The following TBC1D4 variants were observed in gnomAD, a reference collection of about 807,000 sequenced individuals.
TBC1D4 encodes TBC1 domain family member 4.
Under a neutral mutation model 142.5 loss-of-function variants are expected in TBC1D4, and 121 were observed. The observed-to-expected ratio is 0.85, with a 90% CI of 0.73 to 0.99. The LOEUF is 0.99. TBC1D4 is among the 50% of genes least tolerant of loss of function. The probability of loss-of-function intolerance (pLI) is 0.00; values close to 1 mark genes in which losing one functional copy is unlikely to be tolerated. For missense variants in TBC1D4, 1,475 were observed against 1,606.6 expected, an observed-to-expected ratio of 0.92 and a Z score of 1.40; for synonymous variants, 630 against 628.2, an observed-to-expected ratio of 1.00 and a Z score of -0.04.
At chr13:75,359,931 A>C in intron 2 of TBC1D4, 73 bp from the exon 3 acceptor site, 1 of 1,168,478 alleles carries the variant, frequency 8.6e-7, no homozygotes, top group Non-Finnish European at 1.3e-6. Context: ...CCAAATATTA[A>C]ACTAATAATA....
At chr13:75,361,301 T>G (rs1429915644) in intron 2 of TBC1D4, among the ~76,000 whole-genome samples, 1 of 152,164 alleles carries the variant, frequency 6.6e-6, no homozygotes, top group Non-Finnish European at 1.5e-5. Context: ...AGTTTTTTCT[T>G]CTCTAGAAAA....
rs766624952 is a variant in TBC1D4, at chr13:75,310,088, G to C, written c.2447C>G (p.Pro816Arg). ...SPLSPTMEEE[P>R]LVVFLSGEDD... Reference sequence around the variant, plus strand: ...CTCCCCAGACAGGAATACAACCAGCGGTTCCTCCTCCATGGTTGGAGAGAG... The same window carrying C: ...CTCCCCAGACAGGAATACAACCAGCCGTTCCTCCTCCATGGTTGGAGAGAG... The change falls in exon 14 of 21, where the codon CCG (proline) becomes CGG (arginine). Residue 816 changes from proline (P) to arginine (R), a missense_variant. Physicochemically the swap from Pro to Arg is moderately radical, Grantham distance 103 (BLOSUM62 -2). Coordinates refer to ENST00000377636, the MANE Select transcript of TBC1D4 (RefSeq NM_014832.5). 1 of 1,613,998 alleles carries C rather than the reference G, an allele frequency of 6.2e-7. No homozygotes were observed. The highest frequency in any genetic ancestry group is 8.5e-7 in the Non-Finnish European group (1 of 1,179,970).
rs1461252896 is a variant in TBC1D4, at chr13:75,402,653, A to AC, written c.499-40047_499-40046insG. 8.9e-5 allele frequency among the ~76,000 whole-genome samples: 9 copies of AC among 100,658 alleles called. No individual in the cohort carries two copies. The South Asian group carries it at 1.7e-3, about 19-fold the overall frequency. The allele number at this position is 100,658 out of a possible 152,430, so 66.0% of individuals were successfully genotyped here. A position where few individuals can be genotyped will look rare whatever the true frequency, so the allele number is the denominator to read the frequency against. On this transcript the variant is annotated intron_variant, in intron 1 of 20. Coordinates refer to ENST00000377636, the MANE Select transcript of TBC1D4 (RefSeq NM_014832.5). The stretch of plus-strand genomic sequence containing the variant: ...TTCCATGTGGTCTTCCATCCCTAGT[A>AC]AACACACACACACACACACACACAC...
At chr13:75,436,803 A>G (rs895179105) in intron 1 of TBC1D4, among the ~76,000 whole-genome samples, 1 of 152,214 alleles carries the variant, frequency 6.6e-6, no homozygotes, top group Non-Finnish European at 1.5e-5. Context: ...AAGTAAAAAA[A>G]TTTTATTAAC....
chr13:75,469,725 C>G (rs1183116286), intron 1 of TBC1D4, among the ~76,000 whole-genome samples: 1 of 152,038 alleles, frequency 6.6e-6, no homozygotes. Context: ...CAGTGAGCTA[C>G]GACTGCACCA....
chr13:75,395,436 G>A (rs1884738436), intron 1 of TBC1D4, among the ~76,000 whole-genome samples: 1 of 152,160 alleles, frequency 6.6e-6, no homozygotes, highest in Non-Finnish European at 1.5e-5. Flanking sequence ...ACCATAATCT[G>A]TATACAATCA....
rs1882637774 is a variant in TBC1D4, at chr13:75,362,669, T to G, written c.499-62A>C. The G allele has an allele frequency of 6.5e-7, 1 of 1,547,458 alleles. No individual in the cohort carries two copies. Among genetic ancestry groups the G allele is most frequent in the African/African-American group, 1.4e-5 (1 of 73,394 alleles). On this transcript the variant is annotated intron_variant, in intron 1 of 20. Transcript: ENST00000377636. This position sits in a 1 kb window ranked among gnomAD's most constrained non-coding sequence, Gnocchi z 4.2. Reference sequence around the variant, plus strand: ...AGTTTTGAGACAATTTACATTTACCTAGCCCAATTATTACCACATGGAATG... The same window carrying G: ...AGTTTTGAGACAATTTACATTTACCGAGCCCAATTATTACCACATGGAATG...
chr13:75,382,542 G>A (rs1376683037), intron 1 of TBC1D4, among the ~76,000 whole-genome samples: 2 of 152,190 alleles, frequency 1.3e-5, no homozygotes, highest in Non-Finnish European at 2.9e-5. Context: ...GGAAAAAGAT[G>A]TTTTAATTTG....
At chr13:75,416,353 C>G (rs1163988427) in intron 1 of TBC1D4, among the ~76,000 whole-genome samples, 1 of 152,130 alleles carries the variant, frequency 6.6e-6, no homozygotes, top group Non-Finnish European at 1.5e-5. Flanking sequence ...CCGTACTTCT[C>G]AAAAATTTTT....
At chr13:75,403,824 C>T (rs1328559481) in intron 1 of TBC1D4, among the ~76,000 whole-genome samples, 2 of 152,010 alleles carry the variant, frequency 1.3e-5, no homozygotes, top group Non-Finnish European at 2.9e-5. Context: ...TCAAGTGGGA[C>T]AATTAATGTG....
chr13:75,295,751 A>G (rs1310448759), intron 17 of TBC1D4, among the ~76,000 whole-genome samples: 3 of 152,226 alleles, frequency 2.0e-5, no homozygotes, highest in African/African-American at 7.2e-5. Context: ...ACTACAGATA[A>G]AGCAGTAGTA....
At chr13:75,315,307 C>CA (rs201464375) in intron 12 of TBC1D4, among the ~76,000 whole-genome samples, 3,105 of 149,042 alleles carry the variant, frequency 0.021, 117 homozygotes, top group African/African-American at 0.071. Flanking sequence ...GACTCTGTCC[C>CA]AAAAAACAAA....
intron 1 of TBC1D4, among the ~76,000 whole-genome samples, chr13:75,459,549 T>C (rs962283908): frequency 1.3e-5 from 2 of 152,238 alleles, no homozygotes; most frequent in African/African-American, 4.8e-5. Context: ...TTTAGTAGAC[T>C]TTTATTTTAT....
intron 14 of TBC1D4, among the ~76,000 whole-genome samples, chr13:75,308,479 A>T (rs1218770999): frequency 6.6e-6 from 1 of 152,232 alleles, no homozygotes; most frequent in Admixed American, 6.5e-5. Flanking sequence ...CAAGCCAGTC[A>T]CTACTTCTAC....
intron 1 of TBC1D4, among the ~76,000 whole-genome samples, chr13:75,379,184 C>T (rs144874754): frequency 7.6e-4 from 115 of 151,894 alleles, no homozygotes; most frequent in Non-Finnish European, 1.3e-3. Context: ...TCCAGAGAAG[C>T]GAAATGACTA....
intron 11 of TBC1D4, among the ~76,000 whole-genome samples, chr13:75,322,431 T>G (rs1878852736): frequency 6.6e-6 from 1 of 152,212 alleles, no homozygotes; most frequent in Non-Finnish European, 1.5e-5. Context: ...GACTTCAAAA[T>G]CCTTCTATTA....
At chr13:75,287,154 T>A (rs758603463) in intron 20 of TBC1D4, 129 bp from the exon 21 acceptor site, 15 of 785,490 alleles carry the variant, frequency 1.9e-5, no homozygotes, top group Non-Finnish European at 3.1e-5. Flanking sequence ...TCTGAAAACC[T>A]ACAGGAAACG....
chr13:75,408,229 CCT>C (rs1381355859), intron 1 of TBC1D4, among the ~76,000 whole-genome samples: 1 of 152,166 alleles, frequency 6.6e-6, no homozygotes, highest in Non-Finnish European at 1.5e-5. Context: ...CTGTGACTGG[CCT>C]CTTTCATTTA....
At chr13:75,309,883 G>T in intron 14 of TBC1D4, 59 bp downstream of exon 14, 6 of 1,573,522 alleles carry the variant, frequency 3.8e-6, no homozygotes, top group Non-Finnish European at 4.4e-6. Context: ...AGAAAGGTAG[G>T]TTTAACATAC....
Sources: gnomAD v4.1 joint callset for allele counts (sites outside exome capture counted in the v4.1 genomes callset) on GRCh38, gnomAD v4.1.1 for gene constraint, Gnocchi (gnomAD v3.1) non-coding constraint, MANE v1.5 for transcripts, NCBI Gene and HGNC (gene_info 2026-07-23, HGNC 2026-07-21) for gene names.